PCDH9: variants seen among roughly 807,000 people sequenced by gnomAD.
PCDH9 encodes the protein protocadherin 9.
A neutral mutation model predicts 70.6 loss-of-function variants in PCDH9; 24 were observed. That is an observed-to-expected ratio of 0.34 (90% CI 0.25 to 0.48). PCDH9 has a LOEUF of 0.48. Among genes scored for constraint, PCDH9 ranks in the 20% least tolerant of loss-of-function variants. PCDH9 has a pLI of 0.99. For synonymous variants in PCDH9, 562 were observed against 558.5 expected, an observed-to-expected ratio of 1.01 and a Z score of -0.09; for missense variants, 1,281 against 1,503.6, an observed-to-expected ratio of 0.85 and a Z score of 2.45.
chr13:67,029,356 TTC>T (rs1252969324), intron 2 of PCDH9, among the ~76,000 whole-genome samples: 1 of 152,182 alleles, frequency 6.6e-6, no homozygotes, highest in Non-Finnish European at 1.5e-5. Flanking sequence ...TCTTTGCAAG[TTC>T]TCACTCTTTC....
chr13:66,807,596 T>C (rs2080430901), intron 3 of PCDH9, among the ~76,000 whole-genome samples: 1 of 152,160 alleles, frequency 6.6e-6, no homozygotes, highest in Non-Finnish European at 1.5e-5. Context: ...AGTGAGATAA[T>C]TTATATAAAG....
At chr13:66,705,949 A>G (rs182315923) in intron 3 of PCDH9, among the ~76,000 whole-genome samples, 6 of 152,274 alleles carry the variant, frequency 3.9e-5, no homozygotes. Context: ...GATTTTAGAC[A>G]ATTTCCTCTG....
At chr13:66,473,382 TG>T (rs1308466713) in intron 4 of PCDH9, among the ~76,000 whole-genome samples, 19 of 146,248 alleles carry the variant, frequency 1.3e-4, no homozygotes, top group South Asian at 1.3e-3. Context: ...TAAAGCTATA[TG>T]TTTTTTTTTC....
chr13:66,688,568 A>G (rs953321573), intron 3 of PCDH9, among the ~76,000 whole-genome samples: 29 of 152,126 alleles, frequency 1.9e-4, no homozygotes, highest in African/African-American at 6.5e-4. Context: ...AATAGATGTA[A>G]GTATTGAAGC....
chr13:66,954,435 A>T (rs564400527), intron 2 of PCDH9, among the ~76,000 whole-genome samples: 1 of 152,290 alleles, frequency 6.6e-6, no homozygotes, highest in African/African-American at 2.4e-5. Context: ...CTCTGCACTT[A>T]CTGCATGGAC....
At chr13:66,713,181 C>T (rs1370538737) in intron 3 of PCDH9, among the ~76,000 whole-genome samples, 1 of 152,000 alleles carries the variant, frequency 6.6e-6, no homozygotes, top group African/African-American at 2.4e-5. Context: ...TTCAGAAAGG[C>T]AGGTACAGAC....
chr13:66,986,662 A>C (rs755036582), intron 2 of PCDH9, among the ~76,000 whole-genome samples: 20 of 152,114 alleles, frequency 1.3e-4, no homozygotes, highest in Non-Finnish European at 2.2e-4. Context: ...TCTATAGCAG[A>C]CTTTCAATAA....
intron 4 of PCDH9, among the ~76,000 whole-genome samples, chr13:66,475,749 GT>G (rs1312420556): frequency 6.6e-6 from 1 of 152,052 alleles, no homozygotes; most frequent in Non-Finnish European, 1.5e-5. Flanking sequence ...CCACACAGCT[GT>G]ACGCCCAGAA....
At position 66,637,704 on chromosome 13, in the gene PCDH9, G is replaced by T. The variant is rs181821256; in HGVS notation, c.3139-6293C>A. On this transcript the variant is annotated intron_variant, in intron 3 of 4. Transcript: ENST00000377865. Reference sequence around the variant, plus strand: ...CGAGGTGGGTGGATCACGAGGTCAGGATATCGAGACCATGCTGGCTAACAC... The same window carrying T: ...CGAGGTGGGTGGATCACGAGGTCAGTATATCGAGACCATGCTGGCTAACAC... 2.6e-5 allele frequency among the ~76,000 whole-genome samples: 4 copies of T among 152,144 alleles called. No individual in the cohort carries two copies. In the East Asian group the frequency reaches 7.8e-4, roughly 30 times the overall value.
intron 2 of PCDH9, among the ~76,000 whole-genome samples, chr13:66,915,462 T>A (rs994261051): frequency 6.6e-6 from 1 of 151,676 alleles, no homozygotes; most frequent in African/African-American, 2.4e-5. Flanking sequence ...TTTTTTCTTA[T>A]CATTTGATTA....
At chr13:67,006,213 A>G (rs1010347389) in intron 2 of PCDH9, among the ~76,000 whole-genome samples, 2 of 151,904 alleles carry the variant, frequency 1.3e-5, no homozygotes, top group African/African-American at 4.8e-5. Flanking sequence ...GGCGACAGAG[A>G]GAGACTCCGT....
chr13:66,408,004 C>T (rs1024335310), intron 4 of PCDH9, among the ~76,000 whole-genome samples: 2 of 150,036 alleles, frequency 1.3e-5, no homozygotes, highest in African/African-American at 4.9e-5. Context: ...AAACAAAATT[C>T]AAGTGAATAT....
At chr13:66,341,669 C>T (rs1209804722) in intron 4 of PCDH9, among the ~76,000 whole-genome samples, 5 of 152,204 alleles carry the variant, frequency 3.3e-5, no homozygotes, top group East Asian at 3.9e-4. Flanking sequence ...ACAAAACAAA[C>T]GTCTTATATC....
intron 2 of PCDH9, among the ~76,000 whole-genome samples, chr13:67,138,362 T>A (rs1411620039): frequency 6.6e-6 from 1 of 152,148 alleles, no homozygotes; most frequent in Non-Finnish European, 1.5e-5. Context: ...TTGCAGGAAA[T>A]ATTAAAAATA....
At chr13:66,883,806 G>C (rs1037036074) in intron 3 of PCDH9, among the ~76,000 whole-genome samples, 6 of 151,818 alleles carry the variant, frequency 4.0e-5, no homozygotes, top group Non-Finnish European at 4.4e-5. Flanking sequence ...TTTGAGAAGT[G>C]CTCACTCTTC....
Position 66,380,717 on chromosome 13 carries a change from G to C in PCDH9, c.3341-75689C>G, listed in dbSNP as rs184132504. Among the ~76,000 whole-genome samples, 550 of 152,014 alleles carry C rather than the reference G, an allele frequency of 3.6e-3. 11 individuals carry two copies. The highest frequency in any genetic ancestry group is 2.3e-3 in the East Asian group (12 of 5,142). ...CGCCACCACGCCCGGCTAATTTTTT[G>C]TATTTTTAGTGGAGACGGGGTTTCA... On this transcript the variant is annotated intron_variant, in intron 4 of 4. Transcript: ENST00000377865.
At chr13:67,059,393 T>C (rs1478393433) in intron 2 of PCDH9, among the ~76,000 whole-genome samples, 8 of 146,490 alleles carry the variant, frequency 5.5e-5, no homozygotes, top group Non-Finnish European at 1.2e-4. Flanking sequence ...TAGTATATAG[T>C]ATATATAGTG....
intron 4 of PCDH9, among the ~76,000 whole-genome samples, chr13:66,367,408 G>A (rs1432976905): frequency 6.6e-6 from 1 of 152,086 alleles, no homozygotes; most frequent in Non-Finnish European, 1.5e-5. Flanking sequence ...TTAAATAAAT[G>A]CACATTTCCT....
intron 2 of PCDH9, among the ~76,000 whole-genome samples, chr13:67,018,325 A>G (rs1424953712): frequency 1.3e-5 from 2 of 152,134 alleles, no homozygotes. Flanking sequence ...AATAAAATAT[A>G]TGACTTAAGA....
Sources: allele counts gnomAD v4.1 joint callset (sites outside exome capture counted in the v4.1 genomes callset), GRCh38; gene constraint gnomAD v4.1.1; transcripts MANE v1.5; gene names NCBI Gene and HGNC (gene_info 2026-07-23, HGNC 2026-07-21).